Variants in RBMS2 observed in about 807,000 individuals in gnomAD.
RBMS2 encodes the protein RNA-binding motif, single-stranded-interacting protein 2.
RBMS2 carries 38 observed loss-of-function variants against 58.4 expected under a neutral mutation model. The observed-to-expected ratio is 0.65, with a 90% CI of 0.50 to 0.85. The LOEUF is 0.85. Among genes scored for constraint, RBMS2 ranks in the 40% least tolerant of loss-of-function variants. The pLI is 0.00. For synonymous variants in RBMS2, 151 were observed against 180.7 expected, an observed-to-expected ratio of 0.84 and a Z score of 1.32; for missense variants, 367 against 503.7, an observed-to-expected ratio of 0.73 and a Z score of 2.60.
At chr12:56,583,847 T>C (rs1358652193) in intron 9 of RBMS2, among the ~76,000 whole-genome samples, 1 of 152,250 alleles carries the variant, frequency 6.6e-6, no homozygotes, top group Admixed American at 6.5e-5. Flanking sequence ...CATCAACTTA[T>C]AAAAACTCCA....
chr12:56,559,235 A>G (rs1048345305), intron 1 of RBMS2, among the ~76,000 whole-genome samples: 4 of 151,688 alleles, frequency 2.6e-5, no homozygotes, highest in Non-Finnish European at 5.9e-5. Context: ...GCTGGAGTGC[A>G]GTGGCACAAT....
intron 7 of RBMS2, 57 bp downstream of exon 7, chr12:56,581,565 G>A: frequency 6.6e-7 from 1 of 1,508,414 alleles, no homozygotes; most frequent in Non-Finnish European, 9.2e-7. Context: ...GAACGGAAAT[G>A]ATCATGGCAT....
intron 1 of RBMS2, among the ~76,000 whole-genome samples, chr12:56,529,578 T>C (rs1467144677): frequency 1.4e-5 from 2 of 138,118 alleles, no homozygotes; most frequent in East Asian, 2.1e-4. Context: ...ACAACAACAA[T>C]AACAACAACA....
intron 9 of RBMS2, among the ~76,000 whole-genome samples, chr12:56,584,640 C>G (rs1364901080): frequency 2.0e-5 from 3 of 151,488 alleles, no homozygotes; most frequent in Admixed American, 6.6e-5. Context: ...AAAAAATTAG[C>G]CGGGCATGGT....
chr12:56,581,953 A>G, intron 8 of RBMS2, 74 bp downstream of exon 8: 1 of 1,586,368 alleles, frequency 6.3e-7, no homozygotes, highest in Non-Finnish European at 8.7e-7. Context: ...ATTCATCTTG[A>G]TTCTCTCTAT....
chr12:56,592,396 C>T lies in RBMS2; in HGVS notation c.*3263C>T, dbSNP rs1047081598. 4 of 152,198 alleles carry T rather than the reference C, an allele frequency of 2.6e-5. No individual in the cohort carries two copies. The East Asian group carries it at 7.7e-4, about 29-fold the overall frequency. The allele number at this position is 152,198 out of a possible 1,614,324, so 9.4% of individuals were successfully genotyped here. A position where few individuals can be genotyped will look rare whatever the true frequency, so the allele number is the denominator to read the frequency against. On this transcript the variant is annotated 3_prime_UTR_variant, in exon 14 of 14. Transcript: ENST00000262031. Reference sequence around the variant, plus strand: ...GCCATCTCCTATCGGTGTTATTACTCCTCATCTCAGGCTCTGAGATGATAC... The same window carrying T: ...GCCATCTCCTATCGGTGTTATTACTTCTCATCTCAGGCTCTGAGATGATAC...
chr12:56,541,593 T>C (rs1176895405), intron 1 of RBMS2, among the ~76,000 whole-genome samples: 1 of 152,228 alleles, frequency 6.6e-6, no homozygotes, highest in Non-Finnish European at 1.5e-5. Context: ...ATAAAACTAA[T>C]ATTCAAGAAG....
intron 1 of RBMS2, among the ~76,000 whole-genome samples, chr12:56,531,174 T>G (rs965653593): frequency 6.6e-6 from 1 of 152,214 alleles, no homozygotes; most frequent in African/African-American, 2.4e-5. Context: ...TGTCTTATCT[T>G]CATTGCTAGA....
rs557602397 is a variant in RBMS2 at position 56,550,098 on chromosome 12, C to T, written c.67-12319C>T. 1.5e-4 allele frequency among the ~76,000 whole-genome samples: 23 copies of T among 152,292 alleles called. No homozygotes were observed. In the East Asian group the frequency reaches 4.2e-3, roughly 28 times the overall value. On this transcript the variant is annotated intron_variant, in intron 1 of 13. Transcript: ENST00000262031. Reference sequence around the variant, plus strand: ...ATACTATGGTGGATTTCATAAACTGCAGCAGATTCTAAATCTTAAATCTCA... The same window carrying T: ...ATACTATGGTGGATTTCATAAACTGTAGCAGATTCTAAATCTTAAATCTCA...
intron 1 of RBMS2, among the ~76,000 whole-genome samples, chr12:56,528,164 A>G (rs986477512): frequency 6.6e-6 from 1 of 151,450 alleles, no homozygotes; most frequent in Non-Finnish European, 1.5e-5. Flanking sequence ...TGGGAGGATC[A>G]CCTGAGCTGG....
chr12:56,562,467 T>C lies in RBMS2; in HGVS notation c.117T>C (p.Ser39=), dbSNP rs1400540830. The part of the protein sequence containing the change: ...QQMAPPSPSN[S]TPNSSSGSNG... ...TGGCACCACCTAGCCCAAGCAACAG[T>C]ACACCTAACAGCAGTAGTGGAAGCA... Residue 39 remains serine (S), a synonymous_variant, in exon 2 of 14, where the codon AGT becomes AGC. Transcript: ENST00000262031. 2 of 1,608,052 alleles carry C rather than the reference T, an allele frequency of 1.2e-6. No homozygotes were observed. Among genetic ancestry groups the C allele is most frequent in the Non-Finnish European group, 1.7e-6 (2 of 1,174,480 alleles).
chr12:56,529,126 A>G (rs1873220851), intron 1 of RBMS2, among the ~76,000 whole-genome samples: 1 of 152,244 alleles, frequency 6.6e-6, no homozygotes, highest in African/African-American at 2.4e-5. Context: ...AAAGACCTGT[A>G]CATAAATGTT....
At chr12:56,555,954 G>A (rs1362146676) in intron 1 of RBMS2, among the ~76,000 whole-genome samples, 1 of 151,940 alleles carries the variant, frequency 6.6e-6, no homozygotes, top group African/African-American at 2.4e-5. Flanking sequence ...GCTGAGGCAG[G>A]AAGATCACTT....
chr12:56,589,032 G>A lies in RBMS2; in HGVS notation c.*6+14G>A. On this transcript the variant is annotated intron_variant, in intron 13 of 13. Coordinates refer to ENST00000262031, the MANE Select transcript of RBMS2 (RefSeq NM_002898.4). ...AAGTAACAGTGGGTAAGAACCACAT[G>A]CTGGGGGGCAGGGAGGGCTGCACTG... 1.2e-6 allele frequency: 2 copies of A among 1,614,210 alleles called. No individual in the cohort carries two copies. The highest frequency in any genetic ancestry group is 1.7e-6 in the Non-Finnish European group (2 of 1,180,014).
At chr12:56,530,448 C>T (rs1209514902) in intron 1 of RBMS2, among the ~76,000 whole-genome samples, 1 of 142,424 alleles carries the variant, frequency 7.0e-6, no homozygotes, top group Non-Finnish European at 1.5e-5. Flanking sequence ...GTAGCCTCAA[C>T]CTCCTGGGCT....
At chr12:56,548,316 G>T (rs1391066577) in intron 1 of RBMS2, among the ~76,000 whole-genome samples, 1 of 152,094 alleles carries the variant, frequency 6.6e-6, no homozygotes. Flanking sequence ...GCATGGTGGC[G>T]CATGCGTGTA....
At position 56,582,113 on chromosome 12, in the gene RBMS2, A is replaced by C. The variant is rs778184651; in HGVS notation, c.834A>C (p.Ala278=). The C allele has an allele frequency of 1.9e-6, 3 of 1,611,958 alleles. No homozygotes were observed. The highest frequency in any genetic ancestry group is 2.5e-6 in the Non-Finnish European group (3 of 1,179,002). The change falls in exon 9 of 14, where the codon GCA becomes GCC. Residue 278 remains alanine, a synonymous_variant. Coordinates refer to ENST00000262031, the MANE Select transcript of RBMS2 (RefSeq NM_002898.4). ...ITPNRMLAQS[A]LSPYLSSPVS... ...CCAACAGGATGCTTGCTCAGTCTGC[A>C]CTCTCCCCATACCTTTCCTCTCCTG... is the stretch of plus-strand genomic sequence containing the variant.
At position 56,594,363 on chromosome 12, in the gene RBMS2, G is replaced by C. The variant is rs193138324; in HGVS notation, c.*5230G>C. ...TTAGCCAAGGGCAATAAACTGGGTG[G>C]GTGATCTGGCCCAAACTTGCCCCTA... On this transcript the variant is annotated 3_prime_UTR_variant, in exon 14 of 14. Transcript: ENST00000262031. 9 of 152,342 alleles carry C rather than the reference G, an allele frequency of 5.9e-5. No individual in the cohort carries two copies. Among genetic ancestry groups the C allele is most frequent in the Non-Finnish European group, 8.8e-5 (6 of 68,036 alleles). The allele number at this position is 152,342 out of a possible 1,614,324, so 9.4% of individuals were successfully genotyped here.
At chr12:56,556,416 C>T (rs770621286) in intron 1 of RBMS2, among the ~76,000 whole-genome samples, 119 of 149,242 alleles carry the variant, frequency 8.0e-4, no homozygotes, top group Non-Finnish European at 1.5e-3. Flanking sequence ...CACTCTGTCA[C>T]CCAGGCTGGA....
Sources: allele counts gnomAD v4.1 joint callset (sites outside exome capture counted in the v4.1 genomes callset), GRCh38; gene constraint gnomAD v4.1.1; transcripts MANE v1.5; gene names NCBI Gene and HGNC (gene_info 2026-07-23, HGNC 2026-07-21).